Variants in PTPRN2 observed in about 807,000 individuals in gnomAD.
The protein encoded by PTPRN2 is protein tyrosine phosphatase receptor type N2.
A neutral mutation model predicts 118.8 loss-of-function variants in PTPRN2; 74 were observed. The observed-to-expected ratio is 0.62, with a 90% CI of 0.52 to 0.76. The LOEUF (loss-of-function observed/expected upper bound fraction) is 0.76. Among genes scored for constraint, PTPRN2 ranks in the 30% least tolerant of loss-of-function variants. The pLI is 0.00. For synonymous variants in PTPRN2, 641 were observed against 608.0 expected, an observed-to-expected ratio of 1.05 and a Z score of -0.80; for missense variants, 1,481 against 1,394.4, an observed-to-expected ratio of 1.06 and a Z score of -0.99.
At position 158,075,779 on chromosome 7, in the gene PTPRN2, A is replaced by T. The variant is rs562182206; in HGVS notation, c.1723+5519T>A. Among the ~76,000 whole-genome samples, 11 of 152,262 alleles carry T rather than the reference A, an allele frequency of 7.2e-5. No homozygotes were observed. In the South Asian group the frequency reaches 2.3e-3, roughly 32 times the overall value. ...AGCCAGGCGAGCTGTGGGATCGTCAACCTCATGGCTGCGGAGCAGCAGGAT... is the reference window on the plus strand; with the variant it reads ...AGCCAGGCGAGCTGTGGGATCGTCATCCTCATGGCTGCGGAGCAGCAGGAT... On this transcript the variant is annotated intron_variant, in intron 11 of 22. Coordinates refer to ENST00000389418, the MANE Select transcript of PTPRN2 (RefSeq NM_002847.5).
intron 2 of PTPRN2, among the ~76,000 whole-genome samples, chr7:158,337,076 G>A (rs1401762647): frequency 3.0e-4 from 36 of 119,736 alleles, no homozygotes; most frequent in African/African-American, 9.4e-4. Flanking sequence ...GCTGACACCC[G>A]CAGACGTCAC....
chr7:158,487,719 G>A (rs1019070211), intron 2 of PTPRN2, among the ~76,000 whole-genome samples: 2 of 152,034 alleles, frequency 1.3e-5, no homozygotes, highest in East Asian at 1.9e-4. Context: ...CGCCAGCCTC[G>A]GGCTAAACCA....
chr7:158,358,942 A>T (rs778545756), intron 2 of PTPRN2, among the ~76,000 whole-genome samples: 1 of 152,206 alleles, frequency 6.6e-6, no homozygotes, highest in Non-Finnish European at 1.5e-5. Flanking sequence ...TCTTATGTAT[A>T]AGTTACTGAA....
In PTPRN2 at chr7:157,578,072, C is replaced by G; in HGVS notation, c.2565G>C (p.Gln855His). Residue 855 changes from glutamine (Q) to histidine (H), a missense_variant, in exon 18 of 23, where the codon CAG (glutamine) becomes CAC (histidine). Gln to His is a conservative substitution (Grantham distance 24, BLOSUM62 0). Transcript: ENST00000389418. Reference sequence around the variant, plus strand: ...CTTCATCCGGCCAGTAGTGGTAGCACTGCCGGACGCCGTTCTCCGCGAGGG... The same window carrying G: ...CTTCATCCGGCCAGTAGTGGTAGCAGTGCCGGACGCCGTTCTCCGCGAGGG... ...LTPLAENGVR[Q>H]CYHYWPDEGS... is the part of the protein sequence containing the mutation. The G allele has an allele frequency of 6.2e-7, 1 of 1,613,698 alleles. No homozygotes were observed.
At chr7:158,100,246 T>G (rs1445240592) in intron 10 of PTPRN2, among the ~76,000 whole-genome samples, 23 of 26,916 alleles carry the variant, frequency 8.5e-4, no homozygotes, top group Admixed American at 1.6e-3. Flanking sequence ...TTCCATGGGG[T>G]GTGTGTGTGT....
At chr7:158,183,864 GA>G (rs1245607035) in intron 5 of PTPRN2, among the ~76,000 whole-genome samples, 1 of 151,998 alleles carries the variant, frequency 6.6e-6, no homozygotes, top group Non-Finnish European at 1.5e-5. Context: ...TCGCTTCTTG[GA>G]AAAAAGTTCA....
chr7:158,369,268 TACACACACAC>T (rs59470664), intron 2 of PTPRN2, among the ~76,000 whole-genome samples: 1 of 144,872 alleles, frequency 6.9e-6, no homozygotes, highest in African/African-American at 2.5e-5. Context: ...TATACACACA[TACACACACAC>T]ACACACACAC....
At position 158,470,817 on chromosome 7, in the gene PTPRN2, G is replaced by A. The variant is rs536537272; in HGVS notation, c.163+18918C>T. ...CGTGACCTTAGGTGTGTGTTTCCGTGAGATTTTATAGATCACATGGATTTT... is the reference window on the plus strand; with the variant it reads ...CGTGACCTTAGGTGTGTGTTTCCGTAAGATTTTATAGATCACATGGATTTT... On this transcript the variant is annotated intron_variant, in intron 2 of 22. Coordinates refer to ENST00000389418, the MANE Select transcript of PTPRN2 (RefSeq NM_002847.5). 2.0e-5 allele frequency among the ~76,000 whole-genome samples: 3 copies of A among 151,970 alleles called. No individual in the cohort carries two copies. The East Asian group carries it at 5.8e-4, about 29-fold the overall frequency.
rs537436583 is a variant in PTPRN2, at chr7:157,780,092, T to C, written c.1789-97155A>G. Among the ~76,000 whole-genome samples the C allele has an allele frequency of 7.9e-5, 12 of 152,328 alleles. No individual in the cohort carries two copies. Among genetic ancestry groups the C allele is most frequent in the African/African-American group, 2.9e-4 (12 of 41,582 alleles). On this transcript the variant is annotated intron_variant, in intron 12 of 22. Transcript: ENST00000389418. The surrounding 1 kb of genome is among the most constrained non-coding windows in gnomAD (Gnocchi z 4.5). ...AGTTGAATTCTGATTCGATACTTTA[T>C]AATTAGGGCTCACTAGTGACGAGCA...
intron 13 of PTPRN2, among the ~76,000 whole-genome samples, chr7:157,667,219 T>A: frequency 9.7e-6 from 1 of 103,370 alleles, no homozygotes; most frequent in African/African-American, 3.3e-5. Flanking sequence ...ACGCTCAGCC[T>A]GTGGGACACT....
intron 3 of PTPRN2, among the ~76,000 whole-genome samples, chr7:158,215,401 C>T (rs1827888791): frequency 6.6e-6 from 1 of 152,044 alleles, no homozygotes; most frequent in Non-Finnish European, 1.5e-5. Flanking sequence ...TTCATGCTAT[C>T]AGAGTTTCAA....
At chr7:158,375,868 C>T (rs1320207867) in intron 2 of PTPRN2, among the ~76,000 whole-genome samples, 2 of 152,140 alleles carry the variant, frequency 1.3e-5, no homozygotes, top group Admixed American at 6.5e-5. Flanking sequence ...CCTTCCCACT[C>T]CATCCCCTCT....
chr7:158,101,713 G>A (rs1292064112), intron 10 of PTPRN2, among the ~76,000 whole-genome samples: 3 of 152,242 alleles, frequency 2.0e-5, no homozygotes, highest in Admixed American at 1.3e-4. Context: ...AATCCCACCT[G>A]GTATTTAAGA....
rs141503076 is a variant in PTPRN2 at position 158,489,080 on chromosome 7, C to G, written c.163+655G>C. ...ACTGCCGTCCTCATGGGCTTTCAGC[C>G]CAACCTGAAAACACAGCGTTTGCAC... On this transcript the variant is annotated intron_variant, in intron 2 of 22. Transcript: ENST00000389418. Among the ~76,000 whole-genome samples, 263 of 152,360 alleles carry G rather than the reference C, an allele frequency of 1.7e-3. 1 individual carries two copies. The highest frequency in any genetic ancestry group is 0.017 in the Middle Eastern group (5 of 294).
chr7:158,029,216 G>A (rs899746276), intron 11 of PTPRN2: 14 of 151,516 alleles, frequency 9.2e-5, no homozygotes, highest in African/African-American at 2.7e-4. Context: ...GTATCCTCTC[G>A]CCGGGGGCAC....
intron 7 of PTPRN2, 69 bp downstream of exon 7, chr7:158,138,224 TC>T (rs1170983328): frequency 3.6e-6 from 5 of 1,403,292 alleles, no homozygotes; most frequent in Non-Finnish European, 4.9e-6. Context: ...GCCAGCAGTC[TC>T]TGCACAGCCC....
chr7:158,058,732 TGA>T (rs1810029457), intron 11 of PTPRN2, among the ~76,000 whole-genome samples: 1 of 96,906 alleles, frequency 1.0e-5, no homozygotes, highest in African/African-American at 5.2e-5. Context: ...CTGCCCACGG[TGA>T]GACATCACTA....
chr7:157,800,718 C>T (rs975073159), intron 12 of PTPRN2, among the ~76,000 whole-genome samples: 7 of 151,808 alleles, frequency 4.6e-5, no homozygotes, highest in Admixed American at 2.0e-4. Flanking sequence ...TTTGGGAGGC[C>T]GAGGCGGGCG....
chr7:158,367,907 G>A (rs2151309389), intron 2 of PTPRN2, among the ~76,000 whole-genome samples: 1 of 152,244 alleles, frequency 6.6e-6, no homozygotes, highest in East Asian at 1.9e-4. Context: ...GCAGCATTTG[G>A]GAATGGCTCA....
Sources: allele counts gnomAD v4.1 joint callset (sites outside exome capture counted in the v4.1 genomes callset), GRCh38; gene constraint gnomAD v4.1.1; non-coding constraint Gnocchi (gnomAD v3.1); transcripts MANE v1.5; gene names NCBI Gene and HGNC (gene_info 2026-07-23, HGNC 2026-07-21).